NEO1: variants seen among roughly 807,000 people sequenced by gnomAD.
NEO1 encodes neogenin.
NEO1 carries 63 observed loss-of-function variants against 159.7 expected under a neutral mutation model. The ratio of observed to expected loss-of-function variants is 0.39; its 90% confidence interval spans 0.32 to 0.49. NEO1 has a LOEUF of 0.49. Ranked by LOEUF, NEO1 falls within the 20% of genes least tolerant of loss-of-function variation. The pLI, the probability that NEO1 is intolerant of heterozygous loss-of-function variation, is 0.85. For missense variants in NEO1, 1,615 were observed against 1,831.0 expected, an observed-to-expected ratio of 0.88 and a Z score of 2.15; for synonymous variants, 633 against 662.0, an observed-to-expected ratio of 0.96 and a Z score of 0.67.
At chr15:73,097,050 A>G (rs906787921) in intron 1 of NEO1, among the ~76,000 whole-genome samples, 7 of 152,120 alleles carry the variant, frequency 4.6e-5, no homozygotes, top group African/African-American at 7.2e-5. Context: ...AATTGAGCCC[A>G]GGAGGTCAAG....
intron 5 of NEO1, among the ~76,000 whole-genome samples, chr15:73,175,598 T>C (rs565103845): frequency 1.3e-5 from 2 of 152,332 alleles, no homozygotes; most frequent in East Asian, 3.9e-4. Flanking sequence ...TGTTGTTATT[T>C]CATAGAACTA....
At chr15:73,168,897 T>A (rs1009755493) in intron 5 of NEO1, among the ~76,000 whole-genome samples, 2 of 151,610 alleles carry the variant, frequency 1.3e-5, no homozygotes, top group South Asian at 2.1e-4. Context: ...TTTTTTTTTT[T>A]AAACGGCATA....
At chr15:73,273,342 G>A (rs1437349515) in intron 19 of NEO1, among the ~76,000 whole-genome samples, 1 of 152,194 alleles carries the variant, frequency 6.6e-6, no homozygotes, top group Non-Finnish European at 1.5e-5. Flanking sequence ...CTTGCTTTCA[G>A]TAGGAATCTC....
intron 1 of NEO1, among the ~76,000 whole-genome samples, chr15:73,095,635 T>TA (rs2151473836): frequency 6.6e-6 from 1 of 151,940 alleles, no homozygotes; most frequent in East Asian, 1.9e-4. Flanking sequence ...GATTTGGTTC[T>TA]ATAGCATTCA....
chr15:73,256,641 TAGG>T (rs2040365825), intron 13 of NEO1, among the ~76,000 whole-genome samples: 1 of 152,172 alleles, frequency 6.6e-6, no homozygotes, highest in African/African-American at 2.4e-5. Context: ...TCCTTCAGAA[TAGG>T]AGAAGGTGAA....
intron 5 of NEO1, among the ~76,000 whole-genome samples, chr15:73,137,760 G>A (rs1284272335): frequency 3.3e-5 from 5 of 152,196 alleles, no homozygotes; most frequent in Admixed American, 6.5e-5. Context: ...GCCTCCCAAA[G>A]TGCTGGGATT....
At chr15:73,114,559 T>C (rs1208138683) in intron 1 of NEO1, among the ~76,000 whole-genome samples, 1 of 152,238 alleles carries the variant, frequency 6.6e-6, no homozygotes, top group Non-Finnish European at 1.5e-5. Context: ...ATATACTTTT[T>C]TTCGTTGTTC....
At chr15:73,123,425 C>G (rs1312272896) in intron 3 of NEO1, among the ~76,000 whole-genome samples, 1 of 152,092 alleles carries the variant, frequency 6.6e-6, no homozygotes, top group Non-Finnish European at 1.5e-5. Context: ...TTCACTTGTG[C>G]AAATCAGAGA....
chr15:73,112,627 C>T lies in NEO1; in HGVS notation c.131-3913C>T, dbSNP rs76890095. ...TATATTGAGTGGCATTGTAGTATAA[C>T]GTAGTATAAGATCACAGATAATGAA... On this transcript the variant is annotated intron_variant, in intron 1 of 28. Transcript: ENST00000261908. Among the ~76,000 whole-genome samples, 2,680 of 152,010 alleles carry T rather than the reference C, an allele frequency of 0.018. 151 individuals carry two copies. The East Asian group carries it at 0.19, about 11-fold the overall frequency.
chr15:73,099,987 T>C (rs985430008), intron 1 of NEO1, among the ~76,000 whole-genome samples: 1 of 152,232 alleles, frequency 6.6e-6, no homozygotes, highest in Non-Finnish European at 1.5e-5. Flanking sequence ...CTTTCATTTA[T>C]TGAAAACTTC....
chr15:73,212,282 C>T (rs1171389501), intron 7 of NEO1, among the ~76,000 whole-genome samples: 1 of 152,168 alleles, frequency 6.6e-6, no homozygotes, highest in Non-Finnish European at 1.5e-5. Flanking sequence ...ATCCTTTCCT[C>T]CTGAAGTGCT....
chr15:73,221,952 G>C (rs1238129131), intron 7 of NEO1: 3 of 156,278 alleles, frequency 1.9e-5, no homozygotes, highest in African/African-American at 4.8e-5. Flanking sequence ...TGCGCCCACT[G>C]TCTGGCACTC....
At position 73,302,951 on chromosome 15, in the gene NEO1, C is replaced by A; in HGVS notation, c.*255C>A. ...TTCTGCAGGACTGGGCACCATGGGCCAAAATTTTGTGTCCAGGGAAGAGGC... is the reference window on the plus strand; with the variant it reads ...TTCTGCAGGACTGGGCACCATGGGCAAAAATTTTGTGTCCAGGGAAGAGGC... On this transcript the variant is annotated 3_prime_UTR_variant, in exon 29 of 29. Coordinates refer to ENST00000261908, the MANE Select transcript of NEO1 (RefSeq NM_002499.4). The A allele has an allele frequency of 2.3e-6, 1 of 439,238 alleles. No homozygotes were observed. 27.2% of individuals were successfully genotyped at this position (439,238 alleles called of 1,614,324 possible).
At chr15:73,159,336 C>T (rs1214295562) in intron 5 of NEO1, among the ~76,000 whole-genome samples, 2 of 151,682 alleles carry the variant, frequency 1.3e-5, no homozygotes, top group Non-Finnish European at 2.9e-5. Context: ...TTTTGTAAGT[C>T]ATTTTCTATG....
At chr15:73,183,025 T>G (rs79478409) in intron 7 of NEO1, among the ~76,000 whole-genome samples, 46,910 of 152,094 alleles carry the variant, frequency 0.31, 8,821 homozygotes, top group Admixed American at 0.44. Flanking sequence ...CAAGGCCAAC[T>G]ATGGCCTAAT....
intron 20 of NEO1, among the ~76,000 whole-genome samples, chr15:73,274,365 G>A (rs939624432): frequency 6.6e-6 from 1 of 152,132 alleles, no homozygotes; most frequent in Admixed American, 6.5e-5. Flanking sequence ...ACTCAGGCAG[G>A]CTATTAACCT....
chr15:73,217,044 A>G (rs922757604), intron 7 of NEO1, among the ~76,000 whole-genome samples: 74 of 152,302 alleles, frequency 4.9e-4, no homozygotes, highest in African/African-American at 1.7e-3. Flanking sequence ...GTTTTCTTCT[A>G]GGGTTTTTAT....
intron 1 of NEO1, among the ~76,000 whole-genome samples, chr15:73,062,766 A>G (rs1375853746): frequency 6.6e-6 from 1 of 152,226 alleles, no homozygotes; most frequent in East Asian, 1.9e-4. Flanking sequence ...GTGGCAGAAG[A>G]AACAAGTTTG....
intron 5 of NEO1, among the ~76,000 whole-genome samples, chr15:73,173,715 T>C (rs2035111258): frequency 1.3e-5 from 2 of 152,174 alleles, no homozygotes; most frequent in African/African-American, 2.4e-5. Context: ...GAAACAAATA[T>C]TGGCAGCATG....
Sources: allele counts gnomAD v4.1 joint callset (sites outside exome capture counted in the v4.1 genomes callset), GRCh38; gene constraint gnomAD v4.1.1; transcripts MANE v1.5; gene names NCBI Gene and HGNC (gene_info 2026-07-23, HGNC 2026-07-21).